CCDC178: variants seen among roughly 807,000 people sequenced by gnomAD.
CCDC178 encodes the protein coiled-coil domain-containing protein 178.
CCDC178 carries 126 observed loss-of-function variants against 117.4 expected under a neutral mutation model. The ratio of observed to expected loss-of-function variants is 1.07; its 90% confidence interval spans 0.93 to 1.24. The LOEUF is 1.24. Among genes scored for constraint, CCDC178 ranks in the 50% most tolerant of loss-of-function variants. The pLI is 0.00. For synonymous variants in CCDC178, 283 were observed against 313.4 expected, an observed-to-expected ratio of 0.90 and a Z score of 1.02; for missense variants, 1,030 against 986.9, an observed-to-expected ratio of 1.04 and a Z score of -0.59.
At chr18:33,278,450 G>C (rs899224196) in intron 12 of CCDC178, among the ~76,000 whole-genome samples, 1 of 151,670 alleles carries the variant, frequency 6.6e-6, no homozygotes, top group African/African-American at 2.4e-5. Context: ...GGAGCCTATA[G>C]AGCCACCCTT....
At chr18:33,122,530 A>G (rs942555957) in intron 20 of CCDC178, among the ~76,000 whole-genome samples, 5 of 152,154 alleles carry the variant, frequency 3.3e-5, no homozygotes, top group African/African-American at 1.2e-4. Flanking sequence ...TATAACAGGA[A>G]AAGTCACTCA....
rs2064356612 is a variant in CCDC178 at position 33,440,063 on chromosome 18, T to A, written c.-124A>T. The A allele has an allele frequency of 6.6e-6, 1 of 152,190 alleles. No individual in the cohort carries two copies. Among genetic ancestry groups the A allele is most frequent in the Non-Finnish European group, 1.5e-5 (1 of 68,038 alleles). The allele number at this position is 152,190 out of a possible 1,614,324, so 9.4% of individuals were successfully genotyped here. On this transcript the variant is annotated 5_prime_UTR_variant, in exon 2 of 23. Transcript: ENST00000383096. ...CTCCGCCAGGAAGTTGTTCAGTATT[T>A]GACTTGATTGAGCAGACACTTAAAA...
At chr18:33,099,681 G>T (rs271484) in intron 20 of CCDC178, among the ~76,000 whole-genome samples, 21,645 of 151,742 alleles carry the variant, frequency 0.14, 2,395 homozygotes, top group African/African-American at 0.31. Context: ...TTGCATTGCT[G>T]CTCCCTTAAA....
intron 21 of CCDC178, among the ~76,000 whole-genome samples, chr18:33,031,232 T>G (rs1308221770): frequency 6.6e-6 from 1 of 151,548 alleles, no homozygotes. Flanking sequence ...TTACTACATA[T>G]TTTTGGAGTT....
intron 22 of CCDC178, among the ~76,000 whole-genome samples, chr18:32,967,667 A>G (rs962981446): frequency 6.6e-6 from 1 of 151,452 alleles, no homozygotes; most frequent in African/African-American, 2.4e-5. Context: ...TACTTTATAC[A>G]TTTTGTTGCT....
chr18:33,398,454 T>C (rs2063668840), intron 3 of CCDC178, among the ~76,000 whole-genome samples: 2 of 152,180 alleles, frequency 1.3e-5, no homozygotes, highest in Non-Finnish European at 2.9e-5. Flanking sequence ...AATCATCATA[T>C]GAAATGCAAA....
At chr18:33,340,649 C>T (rs1327244240) in intron 9 of CCDC178, among the ~76,000 whole-genome samples, 8 of 152,108 alleles carry the variant, frequency 5.3e-5, no homozygotes, top group African/African-American at 9.7e-5. Context: ...CACAGCCACT[C>T]CAGCTATGGC....
At chr18:32,966,871 C>T (rs2054824560) in intron 22 of CCDC178, among the ~76,000 whole-genome samples, 1 of 151,634 alleles carries the variant, frequency 6.6e-6, no homozygotes, top group South Asian at 2.1e-4. Context: ...TAGCTTTCTC[C>T]AAAAAGATTG....
At chr18:33,187,339 T>G (rs978248559) in intron 20 of CCDC178, among the ~76,000 whole-genome samples, 1 of 152,058 alleles carries the variant, frequency 6.6e-6, no homozygotes, top group Non-Finnish European at 1.5e-5. Flanking sequence ...TGACTCCATA[T>G]TCAGTTCATC....
intron 15 of CCDC178, 93 bp downstream of exon 15, chr18:33,245,152 A>C: frequency 8.4e-7 from 1 of 1,189,314 alleles, no homozygotes; most frequent in Non-Finnish European, 1.1e-6. Flanking sequence ...TTAATCCTTA[A>C]ATTAAAATCT....
At chr18:32,950,759 A>T (rs2054464231) in intron 22 of CCDC178, among the ~76,000 whole-genome samples, 1 of 152,240 alleles carries the variant, frequency 6.6e-6, no homozygotes, top group Non-Finnish European at 1.5e-5. Context: ...TAGTAATTTT[A>T]GGAAAATATT....
chr18:33,260,193 C>T (rs1393516574), intron 14 of CCDC178, among the ~76,000 whole-genome samples: 1 of 152,082 alleles, frequency 6.6e-6, no homozygotes, highest in Non-Finnish European at 1.5e-5. Context: ...TATATACAGC[C>T]ATTTTGTCTA....
At chr18:33,095,988 C>A (rs2057536860) in intron 20 of CCDC178, among the ~76,000 whole-genome samples, 1 of 151,710 alleles carries the variant, frequency 6.6e-6, no homozygotes, top group Non-Finnish European at 1.5e-5. Context: ...TTTAGTTAGC[C>A]CATGATCCCC....
intron 20 of CCDC178, among the ~76,000 whole-genome samples, chr18:33,101,030 C>T (rs2057618618): frequency 3.3e-5 from 5 of 151,606 alleles, no homozygotes; most frequent in Admixed American, 6.6e-5. Context: ...TAGAATAATC[C>T]GTGGCACAAT....
chr18:33,060,185 GAA>G (rs1294961248), intron 21 of CCDC178, among the ~76,000 whole-genome samples: 6 of 152,048 alleles, frequency 3.9e-5, no homozygotes, highest in Non-Finnish European at 8.8e-5. Context: ...TATTATTTAT[GAA>G]CAAAAGCCAT....
intron 20 of CCDC178, among the ~76,000 whole-genome samples, chr18:33,160,876 C>T (rs111724898): frequency 6.6e-6 from 1 of 152,102 alleles, no homozygotes; most frequent in African/African-American, 2.4e-5. Context: ...TACCCATCCA[C>T]TTGACTCTTC....
rs997287772 is a variant in CCDC178 at position 32,958,261 on chromosome 18, A to G, written c.2523+16286T>C. The G allele has an allele frequency of 1.2e-5, 6 of 481,778 alleles. No homozygotes were observed. In the South Asian group the frequency reaches 1.3e-4, roughly 11 times the overall value. The allele number at this position is 481,778 out of a possible 1,614,324, so 29.8% of individuals were successfully genotyped here. On this transcript the variant is annotated intron_variant, in intron 22 of 22. Transcript: ENST00000383096. ...CATAGTTAGTGATTATACTAAAATT[A>G]TTGAGTTTGTGGCAAAAAATGCTCT...
chr18:33,115,644 C>T (rs1378937805), intron 20 of CCDC178, among the ~76,000 whole-genome samples: 3 of 151,914 alleles, frequency 2.0e-5, no homozygotes, highest in Admixed American at 1.3e-4. Context: ...CTAAATCATA[C>T]ATTTGCATAC....
At chr18:32,987,247 T>A (rs1029114911) in intron 21 of CCDC178, among the ~76,000 whole-genome samples, 1 of 151,808 alleles carries the variant, frequency 6.6e-6, no homozygotes, top group Non-Finnish European at 1.5e-5. Context: ...ATAGTTTACA[T>A]GAAACACATT....
Sources: allele counts gnomAD v4.1 joint callset (sites outside exome capture counted in the v4.1 genomes callset), GRCh38; gene constraint gnomAD v4.1.1; transcripts MANE v1.5; gene names NCBI Gene and HGNC (gene_info 2026-07-23, HGNC 2026-07-21).